TAF1: variants seen among roughly 807,000 people sequenced by gnomAD.
TAF1 encodes transcription initiation factor TFIID subunit 1.
A neutral mutation model predicts 138.5 loss-of-function variants in TAF1; 2 were observed. The observed-to-expected ratio is 0.01, with a 90% CI of 0.01 to 0.05. TAF1 has a LOEUF of 0.05. Among genes scored for constraint, TAF1 ranks in the 10% least tolerant of loss-of-function variants. The pLI, the probability that TAF1 is intolerant of heterozygous loss-of-function variation, is 1.00. For synonymous variants in TAF1, 437 were observed against 503.2 expected (o/e 0.87, Z 1.76); for missense variants, 709 against 1,478.0 (o/e 0.48, Z 8.53).
chrX:71,373,543 C>T (rs2033249525), intron 3 of TAF1, among the ~76,000 whole-genome samples: 1 of 111,649 alleles, frequency 9.0e-6, no homozygotes, highest in African/African-American at 3.3e-5. Context: ...AGACAGTGGA[C>T]TAAAGCCATA....
At chrX:71,377,904 T>TAGG in intron 6 of TAF1, 83 bp downstream of exon 6, 2 of 986,489 alleles carry the variant, frequency 2.0e-6, no homozygotes, top group Non-Finnish European at 1.4e-6. Flanking sequence ...ATGTCTAAAT[T>TAGG]GTAAATAATA....
chrX:71,473,424 G>A (rs1248279610), intron 13 of TAF1, among the ~76,000 whole-genome samples: 1 of 110,886 alleles, frequency 9.0e-6, no homozygotes, highest in Non-Finnish European at 1.9e-5. Context: ...GTAATACCGG[G>A]GATTTAGAGG....
chrX:71,485,958 TTTATTTATTTA>T (rs946145694), intron 13 of TAF1, among the ~76,000 whole-genome samples: 17 of 110,236 alleles, frequency 1.5e-4, no homozygotes, highest in African/African-American at 3.3e-4. Context: ...GTTTTTTCTT[TTTATTTATTTA>T]TTATTTATTT....
At chrX:71,419,427 G>A (rs1352878402) in intron 28 of TAF1, among the ~76,000 whole-genome samples, 2 of 111,133 alleles carry the variant, frequency 1.8e-5, no homozygotes, top group Admixed American at 9.6e-5. Context: ...CAAAATCAAG[G>A]TAGTGCATTT....
chrX:71,458,372 A>T lies in TAF1; in HGVS notation c.5064+6A>T. ...CAGAAAAGCAGGTAACACAGGTAGGATGTTCTTTTTCTCTTTATAAGATTG... is the reference window on the plus strand; with the variant it reads ...CAGAAAAGCAGGTAACACAGGTAGGTTGTTCTTTTTCTCTTTATAAGATTG... On this transcript the variant is annotated splice_donor_region_variant and intron_variant, in intron 35 of 37. Transcript: ENST00000423759. The T allele has an allele frequency of 8.3e-7, 1 of 1,208,979 alleles. No individual in the cohort carries two copies. The highest frequency in any genetic ancestry group is 1.1e-6 in the Non-Finnish European group (1 of 894,376).
Position 71,388,739 on chromosome X carries a change from G to T in TAF1, c.2571G>T (p.Gly857=). The change falls in exon 17 of 38, where the codon GGG becomes GGT. Residue 857 remains glycine, a splice_region_variant and synonymous_variant. Coordinates refer to ENST00000423759, the MANE Select transcript of TAF1 (RefSeq NM_004606.5). ...LKLCADFKRT[G]MDSNWWVLKS... ...TCTCTATGTATATGTCTTTTCCAGG[G>T]ATGGACTCAAACTGGTGGGTGCTTA... 1.7e-6 allele frequency: 2 copies of T among 1,211,471 alleles called. No homozygotes were observed. The highest frequency in any genetic ancestry group is 3.0e-5 in the East Asian group (1 of 33,827).
chrX:71,436,925 A>G (rs564082003), intron 32 of TAF1, among the ~76,000 whole-genome samples: 3 of 111,928 alleles, frequency 2.7e-5, no homozygotes, highest in Admixed American at 9.5e-5. Context: ...GAGAAACTGT[A>G]TATCTTTATA....
At position 71,384,108 on chromosome X, in the gene TAF1, A is replaced by G. The variant is rs771172608; in HGVS notation, c.2094A>G (p.Ala698=). 1.7e-6 allele frequency: 2 copies of G among 1,209,740 alleles called. No individual in the cohort carries two copies. The highest frequency in any genetic ancestry group is 3.5e-5 in the African/African-American group (2 of 57,122). Reference sequence around the variant, plus strand: ...CCTTAATGATGCAGGTTGGCATGGCAACCAAGATAAAGAACTATTATAAAC... The same window carrying G: ...CCTTAATGATGCAGGTTGGCATGGCGACCAAGATAAAGAACTATTATAAAC... ...NGPLMMQVGM[A]TKIKNYYKRK... Residue 698 remains alanine, a synonymous_variant, in exon 13 of 38, where the codon GCA becomes GCG. Transcript: ENST00000423759.
chrX:71,382,568 A>C lies in TAF1; in HGVS notation c.1570A>C (p.Asn524His). Residue 524 changes from asparagine to histidine, a missense_variant, in exon 10 of 38, where the codon AAC (asparagine) becomes CAC (histidine). By Grantham distance (68) the Asn-to-His change is moderately conservative (BLOSUM62 1). This residue lies in a region of TAF1 where 201 missense variants were observed against 421.3 expected (regional missense o/e 0.48). Transcript: ENST00000423759. ...IPDEKEEATS[N>H]SPSKESKKES... is the part of the protein sequence containing the mutation. ...TGATGAGAAGGAAGAGGCCACCTCT[A>C]ACTCCCCCTCCAAGGAGAGTAAGAA... is the stretch of plus-strand genomic sequence containing the variant. 2.5e-6 allele frequency: 3 copies of C among 1,210,588 alleles called. No homozygotes were observed. The highest frequency in any genetic ancestry group is 3.4e-6 in the Non-Finnish European group (3 of 895,217).
At chrX:71,371,206 A>T (rs1435450345) in intron 3 of TAF1, among the ~76,000 whole-genome samples, 1 of 111,853 alleles carries the variant, frequency 8.9e-6, no homozygotes, top group African/African-American at 3.2e-5. Flanking sequence ...ACAGAATCTC[A>T]GTACTCTGGG....
At chrX:71,417,303 AC>A (rs1343059888) in intron 28 of TAF1, among the ~76,000 whole-genome samples, 1 of 110,806 alleles carries the variant, frequency 9.0e-6, no homozygotes, top group Non-Finnish European at 1.9e-5. Flanking sequence ...AAAGGCTCTT[AC>A]TAATTGTGGC....
intron 13 of TAF1, among the ~76,000 whole-genome samples, chrX:71,496,066 A>G (rs1156615205): frequency 1.8e-5 from 2 of 112,313 alleles, no homozygotes; most frequent in African/African-American, 6.5e-5. Context: ...AACAGCTCAC[A>G]TGTTTGAGCA....
At chrX:71,379,707 A>AT (rs1441956018) in intron 8 of TAF1, among the ~76,000 whole-genome samples, 2 of 102,548 alleles carry the variant, frequency 2.0e-5, no homozygotes, top group African/African-American at 7.3e-5. Flanking sequence ...GGCTCAGGCG[A>AT]TTCTCCTGCC....
rs1430242647 is a variant in TAF1, at chrX:71,423,955, T to G, written c.4576-19T>G. On this transcript the variant is annotated intron_variant, in intron 30 of 37. Transcript: ENST00000423759. Reference sequence around the variant, plus strand: ...GAAGAGTGGTTTCCATTTAATTTCTTATGCTTTCTATTTACTAGTCTTGGC... The same window carrying G: ...GAAGAGTGGTTTCCATTTAATTTCTGATGCTTTCTATTTACTAGTCTTGGC... 8.7e-7 allele frequency: 1 copy of G among 1,151,219 alleles called. No homozygotes were observed. The highest frequency in any genetic ancestry group is 1.2e-6 in the Non-Finnish European group (1 of 849,558). 94.9% of individuals were successfully genotyped at this position (1,151,219 alleles called of 1,213,427 possible).
intron 24 of TAF1, among the ~76,000 whole-genome samples, chrX:71,399,382 G>A (rs1308652861): frequency 3.1e-5 from 3 of 96,276 alleles, no homozygotes; most frequent in African/African-American, 7.8e-5. Context: ...AGAGCCTCTC[G>A]AATAGCTGGG....
intron 13 of TAF1, among the ~76,000 whole-genome samples, chrX:71,518,193 G>A (rs142746667): frequency 0.034 from 3,612 of 107,476 alleles, 73 homozygotes; most frequent in Non-Finnish European, 0.05. Flanking sequence ...TTTTTGAGAC[G>A]GAGTCTTGCT....
intron 32 of TAF1, among the ~76,000 whole-genome samples, chrX:71,432,347 A>G (rs747644002): frequency 1.5e-3 from 169 of 111,999 alleles, no homozygotes; most frequent in African/African-American, 5.3e-3. Flanking sequence ...GAAACAGCAT[A>G]TTTTTTTGCT....
intron 32 of TAF1, among the ~76,000 whole-genome samples, chrX:71,443,094 T>C (rs1359172809): frequency 1.8e-5 from 2 of 112,082 alleles, no homozygotes; most frequent in African/African-American, 6.5e-5. Context: ...TCAGGTGGCA[T>C]GATGCCTCCA....
chrX:71,373,878 TG>T (rs1227784778), intron 3 of TAF1, among the ~76,000 whole-genome samples: 2 of 109,984 alleles, frequency 1.8e-5, no homozygotes, highest in African/African-American at 6.6e-5. Flanking sequence ...ATAGAAAAAG[TG>T]TGTCATCTCT....
Sources: allele counts gnomAD v4.1 joint callset (sites outside exome capture counted in the v4.1 genomes callset), GRCh38; gene constraint gnomAD v4.1.1; regional missense constraint gnomAD v4.1.1; transcripts MANE v1.5; gene names NCBI Gene and HGNC (gene_info 2026-07-23, HGNC 2026-07-21).